The following FGD6 variants were observed in gnomAD, a reference collection of about 807,000 sequenced individuals.
FGD6 encodes the protein FYVE, RhoGEF and PH domain containing 6.
FGD6 carries 90 observed loss-of-function variants against 149.4 expected under a neutral mutation model. That is an observed-to-expected ratio of 0.60 (90% CI 0.51 to 0.72). The LOEUF (loss-of-function observed/expected upper bound fraction) is 0.72, where lower values mean the gene tolerates loss of function less well. Ranked by LOEUF, FGD6 falls within the 30% of genes least tolerant of loss-of-function variation. The pLI is 0.00. For missense variants in FGD6, 1,437 were observed against 1,684.8 expected (o/e 0.85, Z 2.57); for synonymous variants, 527 against 584.0 (o/e 0.90, Z 1.41).
In FGD6 at chr12:95,210,248, T is replaced by A; in HGVS notation, c.1036A>T (p.Ser346Cys). ...ESTEEPGNSD[S>C]SSSCLTENSL... Reference sequence around the variant, plus strand: ...TTTTCAGTAAGACAGGAAGAGCTACTGTCTGAATTCCCCGGTTCTTCAGTG... The same window carrying A: ...TTTTCAGTAAGACAGGAAGAGCTACAGTCTGAATTCCCCGGTTCTTCAGTG... The change falls in exon 2 of 21, where the codon AGT becomes TGT. Residue 346 changes from serine (S) to cysteine (C), a missense_variant. Ser to Cys is a moderately radical substitution (Grantham distance 112). This residue lies in a region of FGD6 where 1,055 missense variants were observed against 1,146.0 expected (regional missense o/e 0.92). Transcript: ENST00000343958. 7 of 1,614,220 alleles carry A rather than the reference T, an allele frequency of 4.3e-6. No homozygotes were observed. Among genetic ancestry groups the A allele is most frequent in the Non-Finnish European group, 5.9e-6 (7 of 1,180,040 alleles).
chr12:95,152,970 A>G lies in FGD6; in HGVS notation c.2610T>C (p.Ser870=), dbSNP rs775707732. Residue 870 remains serine, a synonymous_variant, in exon 4 of 21, where the codon AGT becomes AGC. Coordinates refer to ENST00000343958, the MANE Select transcript of FGD6 (RefSeq NM_018351.4). ...DKQDEDNGMK[S]KVHHIAKEIM... ...TCTCCTTGGCAATATGATGAACTTT[A>G]CTTTTCATTCCATTATCTTCATCCT... is the stretch of plus-strand genomic sequence containing the variant. 14 of 1,614,006 alleles carry G rather than the reference A, an allele frequency of 8.7e-6. No individual in the cohort carries two copies. The highest frequency in any genetic ancestry group is 8.5e-6 in the Non-Finnish European group (10 of 1,179,928).
At chr12:95,188,814 T>A (rs991995187) in intron 2 of FGD6, among the ~76,000 whole-genome samples, 3 of 151,872 alleles carry the variant, frequency 2.0e-5, no homozygotes, top group African/African-American at 7.3e-5. Context: ...TTTTTTTTTT[T>A]AATACTTGGT....
chr12:95,211,309 A>G, intron 1 of FGD6, 42 bp from the exon 2 acceptor site: 2 of 1,515,770 alleles, frequency 1.3e-6, no homozygotes, highest in Non-Finnish European at 1.7e-6. Flanking sequence ...AAACAACCAA[A>G]GCACAAAATG....
At chr12:95,124,715 C>T (rs1592842463) in intron 8 of FGD6, among the ~76,000 whole-genome samples, 1 of 152,208 alleles carries the variant, frequency 6.6e-6, no homozygotes, top group Admixed American at 6.5e-5. Flanking sequence ...AAAAGAGGCA[C>T]ACAAACAAAC....
At chr12:95,130,028 A>G (rs1230349884) in intron 8 of FGD6, among the ~76,000 whole-genome samples, 2 of 152,192 alleles carry the variant, frequency 1.3e-5, no homozygotes, top group African/African-American at 4.8e-5. Flanking sequence ...TTGTTATACA[A>G]CTATATGCAT....
intron 8 of FGD6, among the ~76,000 whole-genome samples, chr12:95,132,812 G>A (rs1311274375): frequency 1.3e-5 from 2 of 152,070 alleles, no homozygotes; most frequent in East Asian, 3.8e-4. Context: ...ATTAATCTTT[G>A]CACTAAATTT....
At chr12:95,112,182 C>T (rs1343654447) in intron 9 of FGD6, among the ~76,000 whole-genome samples, 1 of 151,700 alleles carries the variant, frequency 6.6e-6, no homozygotes, top group East Asian at 1.9e-4. Flanking sequence ...TGCAGTGAGC[C>T]GTGTTCATGC....
At chr12:95,164,135 A>G (rs1355694993) in intron 3 of FGD6, among the ~76,000 whole-genome samples, 2 of 152,262 alleles carry the variant, frequency 1.3e-5, no homozygotes, top group African/African-American at 4.8e-5. Context: ...TCAAGGTCAT[A>G]AAATAAGTCA....
Position 95,089,708 on chromosome 12 carries a change from C to T in FGD6, c.3851-12G>A, listed in dbSNP as rs374182175. 29 of 1,612,440 alleles carry T rather than the reference C, an allele frequency of 1.8e-5. No homozygotes were observed. Among genetic ancestry groups the T allele is most frequent in the Non-Finnish European group, 2.4e-5 (28 of 1,179,192 alleles). On this transcript the variant is annotated splice_polypyrimidine_tract_variant and intron_variant, in intron 17 of 20. Coordinates refer to ENST00000343958, the MANE Select transcript of FGD6 (RefSeq NM_018351.4). ...GGAGTGCTGGTGATCTAGAACAAAT[C>T]AGGCATGCTTATGTAGGCAATGCTC...
intron 7 of FGD6, among the ~76,000 whole-genome samples, chr12:95,136,102 G>A (rs1463700533): frequency 2.0e-5 from 3 of 152,162 alleles, no homozygotes; most frequent in Non-Finnish European, 4.4e-5. Flanking sequence ...GCTCACTCTT[G>A]TAATCCCAGC....
intron 3 of FGD6, among the ~76,000 whole-genome samples, chr12:95,160,331 C>T (rs1880602265): frequency 6.6e-6 from 1 of 152,134 alleles, no homozygotes; most frequent in Non-Finnish European, 1.5e-5. Context: ...TGATATACTT[C>T]ACACCCACAC....
intron 2 of FGD6, among the ~76,000 whole-genome samples, chr12:95,204,727 T>C (rs543998504): frequency 3.1e-4 from 41 of 133,920 alleles, no homozygotes; most frequent in Middle Eastern, 3.9e-3. Context: ...CACACACACA[T>C]ACACAGTCAG....
At position 95,176,688 on chromosome 12, in the gene FGD6, A is replaced by T. The variant is rs1464576661; in HGVS notation, c.2442-3944T>A. ...ATGATGCCATCACTTTTTAAAAGTT[A>T]TTTTTTTCTATATGCTAGTTTCTAT... is the stretch of plus-strand genomic sequence containing the variant. On this transcript the variant is annotated intron_variant, in intron 2 of 20. Transcript: ENST00000343958. Among the ~76,000 whole-genome samples, 9 of 152,130 alleles carry T rather than the reference A, an allele frequency of 5.9e-5. No homozygotes were observed. In the East Asian group the frequency reaches 1.7e-3, roughly 29 times the overall value.
At chr12:95,105,624 A>G (rs750326682) in intron 13 of FGD6, among the ~76,000 whole-genome samples, 6 of 152,238 alleles carry the variant, frequency 3.9e-5, no homozygotes, top group Non-Finnish European at 8.8e-5. Context: ...TTATCTTCAT[A>G]TCTTCCACCA....
intron 8 of FGD6, among the ~76,000 whole-genome samples, chr12:95,124,328 AC>A (rs1879274977): frequency 1.3e-5 from 2 of 152,174 alleles, no homozygotes; most frequent in Admixed American, 6.5e-5. Flanking sequence ...AGAAGCTGTT[AC>A]CCATATTTGG....
chr12:95,147,317 A>G (rs1191553840), intron 5 of FGD6, among the ~76,000 whole-genome samples: 2 of 152,170 alleles, frequency 1.3e-5, no homozygotes, highest in Non-Finnish European at 2.9e-5. Flanking sequence ...TTCCCTCTCT[A>G]TATGTAGACC....
rs1490443299 is a variant in FGD6 at position 95,209,109 on chromosome 12, T to C, written c.2175A>G (p.Gln725=). 6.2e-7 allele frequency: 1 copy of C among 1,614,136 alleles called. No individual in the cohort carries two copies. The highest frequency in any genetic ancestry group is 1.1e-5 in the South Asian group (1 of 91,076). ...NGLRAESLDD[Q]MLSRESSSQA... is the part of the protein sequence containing the mutation. ...GAGATGATGACTCCCGGGAGAGCATTTGGTCATCCAAAGACTCAGCTCTCA... is the reference window on the plus strand; with the variant it reads ...GAGATGATGACTCCCGGGAGAGCATCTGGTCATCCAAAGACTCAGCTCTCA... Residue 725 remains glutamine (Q), a synonymous_variant, in exon 2 of 21, where the codon CAA becomes CAG. Transcript: ENST00000343958.
chr12:95,081,506 T>C lies in FGD6; in HGVS notation c.*14A>G. Reference sequence around the variant, plus strand: ...CACCTCTTTGGAATCACAGAAGAGATGAAACCAATACTGCTACAATATTGT... The same window carrying C: ...CACCTCTTTGGAATCACAGAAGAGACGAAACCAATACTGCTACAATATTGT... On this transcript the variant is annotated 3_prime_UTR_variant, in exon 21 of 21. Coordinates refer to ENST00000343958, the MANE Select transcript of FGD6 (RefSeq NM_018351.4). 6.3e-7 allele frequency: 1 copy of C among 1,594,346 alleles called. No individual in the cohort carries two copies. The highest frequency in any genetic ancestry group is 2.3e-5 in the East Asian group (1 of 44,362).
chr12:95,079,018 T>C lies in FGD6; in HGVS notation c.*2502A>G, dbSNP rs1877582676. On this transcript the variant is annotated 3_prime_UTR_variant, in exon 21 of 21. Transcript: ENST00000343958. ...CCCCATTTATAGACTGTGCCCAATA[T>C]CATTTTTCCTCTAAAATACTAGCAA... 1 of 152,228 alleles carries C rather than the reference T, an allele frequency of 6.6e-6. No homozygotes were observed. The highest frequency in any genetic ancestry group is 1.9e-4 in the East Asian group (1 of 5,200). The allele number at this position is 152,228 out of a possible 1,614,324, so 9.4% of individuals were successfully genotyped here.
Sources: allele counts gnomAD v4.1 joint callset (sites outside exome capture counted in the v4.1 genomes callset), GRCh38; gene constraint gnomAD v4.1.1; regional missense constraint gnomAD v4.1.1; transcripts MANE v1.5; gene names NCBI Gene and HGNC (gene_info 2026-07-23, HGNC 2026-07-21).